The following TTLL5 variants were observed in gnomAD, a reference collection of about 807,000 sequenced individuals.
TTLL5 encodes the protein tubulin polyglutamylase TTLL5.
In TTLL5, 132 loss-of-function variants were observed where a neutral mutation model predicts 168.4. That is an observed-to-expected ratio of 0.78 (90% CI 0.68 to 0.91). The LOEUF (loss-of-function observed/expected upper bound fraction) is 0.91. Among genes scored for constraint, TTLL5 ranks in the 40% least tolerant of loss-of-function variants. The pLI is 0.00. For missense variants in TTLL5, 1,545 were observed against 1,581.5 expected, an observed-to-expected ratio of 0.98 and a Z score of 0.39; for synonymous variants, 546 against 558.6, an observed-to-expected ratio of 0.98 and a Z score of 0.32.
rs563088916 is a variant in TTLL5, at chr14:75,816,969, G to A, written c.3172-3038G>A. 2.0e-3 allele frequency among the ~76,000 whole-genome samples: 255 copies of A among 129,364 alleles called. 2 individuals carry two copies. The highest frequency in any genetic ancestry group is 8.5e-3 in the Middle Eastern group (2 of 236). The allele number at this position is 129,364 out of a possible 152,430, so 84.9% of individuals were successfully genotyped here. ...CATAATTTGCTACTATATCTTCCCTGTCTTATTTTTTTTTTTTTTTTTTTT... is the reference window on the plus strand; with the variant it reads ...CATAATTTGCTACTATATCTTCCCTATCTTATTTTTTTTTTTTTTTTTTTT... On this transcript the variant is annotated intron_variant, in intron 27 of 31. Coordinates refer to ENST00000298832, the MANE Select transcript of TTLL5 (RefSeq NM_015072.5).
intron 27 of TTLL5, among the ~76,000 whole-genome samples, chr14:75,802,525 C>G (rs1306294671): frequency 2.0e-5 from 3 of 152,228 alleles, no homozygotes; most frequent in Non-Finnish European, 2.9e-5. Flanking sequence ...ATTTCAACTG[C>G]TTAGCCTATT....
chr14:75,861,261 G>A (rs926382446), intron 28 of TTLL5, among the ~76,000 whole-genome samples: 2 of 152,100 alleles, frequency 1.3e-5, no homozygotes, highest in African/African-American at 2.4e-5. Context: ...ATAGAAAGCC[G>A]AAAGAATACA....
chr14:75,789,605 T>A (rs531932400), intron 26 of TTLL5, among the ~76,000 whole-genome samples: 3 of 152,260 alleles, frequency 2.0e-5, no homozygotes, highest in African/African-American at 7.2e-5. Context: ...AAAATGTTTT[T>A]AAAAATATCA....
At chr14:75,847,973 G>GT (rs5809733) in intron 28 of TTLL5, among the ~76,000 whole-genome samples, 102,267 of 146,496 alleles carry the variant, frequency 0.7, 36,303 homozygotes, top group Admixed American at 0.78. Flanking sequence ...CTTTGGTGCT[G>GT]TTTTTTTTTT....
At chr14:75,840,940 G>GT (rs1416623238) in intron 28 of TTLL5, among the ~76,000 whole-genome samples, 5 of 152,204 alleles carry the variant, frequency 3.3e-5, no homozygotes, top group Admixed American at 6.5e-5. Context: ...TTTGCTTCTG[G>GT]TAGGGGCCTC....
At chr14:75,755,689 A>G (rs1426345137) in intron 18 of TTLL5, among the ~76,000 whole-genome samples, 1 of 152,206 alleles carries the variant, frequency 6.6e-6, no homozygotes, top group East Asian at 1.9e-4. Flanking sequence ...GGAAACATGC[A>G]TTGAAAAAAA....
chr14:75,831,379 C>T (rs1037541430), intron 28 of TTLL5, among the ~76,000 whole-genome samples: 1 of 152,136 alleles, frequency 6.6e-6, no homozygotes, highest in Non-Finnish European at 1.5e-5. Flanking sequence ...AGTATTTAAC[C>T]TATCAGAGCT....
chr14:75,779,553 A>C lies in TTLL5; in HGVS notation c.2388-22A>C, dbSNP rs200043030. The C allele has an allele frequency of 1.4e-4, 226 of 1,608,912 alleles. No homozygotes were observed. In the African/African-American group the frequency reaches 2.6e-3, roughly 18 times the overall value. ...TTCCAGAATAGCTTCCTGTCTGACC[A>C]TACTTTTTCTCCTCATTTCAGTGAG... On this transcript the variant is annotated intron_variant, in intron 23 of 31. Transcript: ENST00000298832.
intron 7 of TTLL5, among the ~76,000 whole-genome samples, chr14:75,703,103 G>T (rs1886399458): frequency 6.6e-6 from 1 of 152,186 alleles, no homozygotes; most frequent in African/African-American, 2.4e-5. Context: ...TTCCAAGGCT[G>T]CTGCCTGCTT....
At chr14:75,882,929 C>G (rs377323268) in intron 30 of TTLL5, 27 bp downstream of exon 30, 25 of 1,607,062 alleles carry the variant, frequency 1.6e-5, no homozygotes, top group Non-Finnish European at 1.9e-5. Context: ...TCAATTTCTA[C>G]TGAGTTTTAT....
chr14:75,874,933 C>CT lies in TTLL5; in HGVS notation c.3523-7734dup, dbSNP rs1555353208. On this transcript the variant is annotated intron_variant, in intron 29 of 31. Coordinates refer to ENST00000298832, the MANE Select transcript of TTLL5 (RefSeq NM_015072.5). Reference sequence around the variant, plus strand: ...AGAGAAAAAAAAAGACACTGGGGGCCTTTTTTTTTTTTTTTTTTGAGACGG... The same window carrying CT: ...AGAGAAAAAAAAAGACACTGGGGGCCTTTTTTTTTTTTTTTTTTTGAGACGG... Among the ~76,000 whole-genome samples, 648 of 97,524 alleles carry CT rather than the reference C, an allele frequency of 6.6e-3. 21 individuals are homozygous for CT. Among genetic ancestry groups the CT allele is most frequent in the East Asian group, 0.015 (36 of 2,432 alleles). The allele number at this position is 97,524 out of a possible 152,430, so 64.0% of individuals were successfully genotyped here.
intron 6 of TTLL5, among the ~76,000 whole-genome samples, chr14:75,690,733 C>T (rs540030597): frequency 6.6e-6 from 1 of 152,014 alleles, no homozygotes; most frequent in Admixed American, 6.6e-5. Context: ...GATCCTTCCT[C>T]CTCAACCTCC....
chr14:75,863,618 T>A, intron 28 of TTLL5, 49 bp from the exon 29 acceptor site: 1 of 1,514,446 alleles, frequency 6.6e-7, no homozygotes, highest in South Asian at 1.3e-5. Flanking sequence ...TCCTCTAGAT[T>A]GTTCATACAG....
intron 12 of TTLL5, among the ~76,000 whole-genome samples, chr14:75,723,156 C>T (rs748763356): frequency 2.0e-5 from 3 of 152,062 alleles, no homozygotes; most frequent in Non-Finnish European, 4.4e-5. Context: ...TATCTCACTA[C>T]GTTACCCAGT....
At position 75,785,970 on chromosome 14, in the gene TTLL5, A is replaced by G. The variant is rs1268362488; in HGVS notation, c.2986+2440A>G. Among the ~76,000 whole-genome samples, 3 of 152,342 alleles carry G rather than the reference A, an allele frequency of 2.0e-5. No homozygotes were observed. In the East Asian group the frequency reaches 5.8e-4, roughly 29 times the overall value. ...TCAGTTTGGGGACTATCTTAACATC[A>G]GTCAAGATTTAAACACTAGTAATAG... On this transcript the variant is annotated intron_variant, in intron 26 of 31. Coordinates refer to ENST00000298832, the MANE Select transcript of TTLL5 (RefSeq NM_015072.5).
chr14:75,767,406 G>A (rs1181238142), intron 20 of TTLL5, among the ~76,000 whole-genome samples: 1 of 152,208 alleles, frequency 6.6e-6, no homozygotes. Context: ...ATGTTAGAAT[G>A]TAATTGGGCA....
rs79060705 is a variant in TTLL5 at position 75,883,261 on chromosome 14, T to C, written c.3740+359T>C. Among the ~76,000 whole-genome samples, 1,423 of 152,380 alleles carry C rather than the reference T, an allele frequency of 9.3e-3. 27 individuals carry two copies. The highest frequency in any genetic ancestry group is 0.033 in the African/African-American group (1,356 of 41,584). ...CATCTAAGAGGATAATATAACTTCA[T>C]TGACATTAGTCACCAAGCTCTGTGT... On this transcript the variant is annotated intron_variant, in intron 30 of 31. Transcript: ENST00000298832.
At chr14:75,893,200 G>A (rs1032950895) in intron 30 of TTLL5, among the ~76,000 whole-genome samples, 13 of 152,078 alleles carry the variant, frequency 8.5e-5, no homozygotes, top group African/African-American at 3.1e-4. Flanking sequence ...AAGACCTAAA[G>A]GATAATTGGA....
chr14:75,947,196 A>C (rs1047057034), intron 31 of TTLL5, among the ~76,000 whole-genome samples: 1 of 152,236 alleles, frequency 6.6e-6, no homozygotes, highest in African/African-American at 2.4e-5. Flanking sequence ...GCCAACCAGA[A>C]ATAGTTATAT....
Sources: gnomAD v4.1 joint callset for allele counts (sites outside exome capture counted in the v4.1 genomes callset) on GRCh38, gnomAD v4.1.1 for gene constraint, MANE v1.5 for transcripts, NCBI Gene and HGNC (gene_info 2026-07-23, HGNC 2026-07-21) for gene names.